PCDH11Y: variants seen among roughly 807,000 people sequenced by gnomAD.
PCDH11Y encodes the protein protocadherin 11 Y-linked, also known as protocadherin-11 Y-linked.
For missense variants in PCDH11Y, 12 were observed against 224.8 expected (o/e 0.05, Z 6.05); for synonymous variants, 9 against 83.6 (o/e 0.11, Z 4.87).
chrY:5,407,066 G>T, intron 2 of PCDH11Y, among the ~76,000 whole-genome samples: 2 of 33,662 alleles, frequency 5.9e-5, no homozygotes, highest in African/African-American at 2.3e-4. Flanking sequence ...GGTATTCAAA[G>T]AACTGAGATG....
intron 3 of PCDH11Y, among the ~76,000 whole-genome samples, chrY:5,532,783 C>T: frequency 3.7e-5 from 1 of 26,759 alleles, no homozygotes; most frequent in Non-Finnish European, 8.7e-5. Flanking sequence ...TAGGTGTTTC[C>T]TATTTGTCCC....
chrY:5,235,050 C>T, intron 2 of PCDH11Y, among the ~76,000 whole-genome samples: 1 of 31,977 alleles, frequency 3.1e-5, no homozygotes, highest in African/African-American at 1.2e-4. Context: ...TCACAATGAC[C>T]GGTACGTAGG....
intron 2 of PCDH11Y, among the ~76,000 whole-genome samples, chrY:5,148,250 T>TCCCTA (rs2052860092): frequency 3.0e-5 from 1 of 33,101 alleles, no homozygotes; most frequent in South Asian, 6.6e-4. Flanking sequence ...AATAAGAAAT[T>TCCCTA]GAGTACCTTT....
At chrY:5,717,032 C>T in intron 4 of PCDH11Y, among the ~76,000 whole-genome samples, 1 of 33,026 alleles carries the variant, frequency 3.0e-5, no homozygotes, top group Non-Finnish European at 7.5e-5. Flanking sequence ...TATTCACATG[C>T]TGAAGAATGA....
At chrY:5,110,979 A>G in intron 2 of PCDH11Y, among the ~76,000 whole-genome samples, 1 of 32,582 alleles carries the variant, frequency 3.1e-5, no homozygotes, top group Non-Finnish European at 7.5e-5. Flanking sequence ...ATGAGAGACC[A>G]TATTTTATTA....
intron 2 of PCDH11Y, among the ~76,000 whole-genome samples, chrY:5,283,872 A>T: frequency 3.0e-5 from 1 of 32,810 alleles, no homozygotes; most frequent in South Asian, 6.7e-4. Context: ...ACTCTTTCAT[A>T]TATTACATTA....
chrY:5,554,215 T>G, intron 3 of PCDH11Y, among the ~76,000 whole-genome samples: 1 of 33,798 alleles, frequency 3.0e-5, no homozygotes, highest in Non-Finnish European at 7.3e-5. Context: ...TTTGTGGTAC[T>G]TTGAACTTTA....
chrY:5,482,103 G>A, intron 2 of PCDH11Y, among the ~76,000 whole-genome samples: 1 of 29,085 alleles, frequency 3.4e-5, no homozygotes, highest in South Asian at 8.1e-4. Flanking sequence ...GGGTTCAAGC[G>A]ATTCTCCTGC....
chrY:5,421,143 GGC>G (rs2053258016), intron 2 of PCDH11Y, among the ~76,000 whole-genome samples: 1 of 31,583 alleles, frequency 3.2e-5, no homozygotes, highest in Non-Finnish European at 7.7e-5. Flanking sequence ...CGGAGGCTAA[GGC>G]AGTAGAATTG....
At chrY:5,133,652 G>A (rs2052836140) in intron 2 of PCDH11Y, among the ~76,000 whole-genome samples, 2 of 30,201 alleles carry the variant, frequency 6.6e-5, no homozygotes, top group Non-Finnish European at 1.6e-4. Context: ...CTATATTTTT[G>A]TGTCCATTAA....
intron 3 of PCDH11Y, among the ~76,000 whole-genome samples, chrY:5,045,520 C>T: frequency 3.1e-5 from 1 of 32,732 alleles, no homozygotes; most frequent in Non-Finnish European, 7.5e-5. Flanking sequence ...GGTAACCCGA[C>T]CTTTCTCTCT....
intron 2 of PCDH11Y, among the ~76,000 whole-genome samples, chrY:5,248,229 A>T: frequency 1.3e-4 from 3 of 23,961 alleles, no homozygotes; most frequent in Admixed American, 8.3e-4. Context: ...TCATTTTATG[A>T]GGCCAACATC....
intron 2 of PCDH11Y, among the ~76,000 whole-genome samples, chrY:5,283,399 A>T: frequency 3.3e-5 from 1 of 29,950 alleles, no homozygotes; most frequent in African/African-American, 1.3e-4. Flanking sequence ...TATTATTTCA[A>T]TGCTGTATTT....
chrY:5,488,727 A>G (rs2053335759), intron 2 of PCDH11Y, among the ~76,000 whole-genome samples: 1 of 33,537 alleles, frequency 3.0e-5, no homozygotes, highest in African/African-American at 1.1e-4. Flanking sequence ...GACCTACTGT[A>G]TCTTGTAGGA....
At chrY:5,511,357 A>G in intron 3 of PCDH11Y, among the ~76,000 whole-genome samples, 5 of 32,721 alleles carry the variant, frequency 1.5e-4, no homozygotes. Flanking sequence ...ATAGTATTGA[A>G]CTATTAAGTC....
intron 3 of PCDH11Y, among the ~76,000 whole-genome samples, chrY:5,525,576 G>C: frequency 6.4e-5 from 2 of 31,238 alleles, no homozygotes; most frequent in Non-Finnish European, 1.5e-4. Context: ...AAAGTATGAC[G>C]TAGTTGCCCA....
At chrY:5,453,669 A>G in intron 2 of PCDH11Y, among the ~76,000 whole-genome samples, 1 of 33,327 alleles carries the variant, frequency 3.0e-5, no homozygotes, top group Admixed American at 2.7e-4. Flanking sequence ...GAAATTTACC[A>G]TCATGGTGGA....
At chrY:5,170,437 T>C in intron 2 of PCDH11Y, among the ~76,000 whole-genome samples, 5 of 30,267 alleles carry the variant, frequency 1.7e-4, no homozygotes, top group African/African-American at 2.6e-4. Flanking sequence ...ATGCTTCAAT[T>C]CTTGGGGTTG....
intron 2 of PCDH11Y, among the ~76,000 whole-genome samples, chrY:5,224,134 A>G: frequency 3.6e-5 from 1 of 27,529 alleles, no homozygotes; most frequent in Admixed American, 3.9e-4. Flanking sequence ...TGAAATTTGT[A>G]TGGTTTAAAA....
Sources: allele counts gnomAD v4.1 joint callset (sites outside exome capture counted in the v4.1 genomes callset), GRCh38; gene constraint gnomAD v4.1.1; transcripts MANE v1.5; gene names NCBI Gene and HGNC (gene_info 2026-07-23, HGNC 2026-07-21).